RAP1A: variants seen among roughly 807,000 people sequenced by gnomAD.
RAP1A encodes RAP1A, member of RAS oncogene family, also known as ras-related protein Rap-1A.
A neutral mutation model predicts 26.4 loss-of-function variants in RAP1A; 6 were observed. That is an observed-to-expected ratio of 0.23 (90% confidence interval 0.12 to 0.45). RAP1A has a LOEUF of 0.45. Ranked by LOEUF, RAP1A falls within the 20% of genes least tolerant of loss-of-function variation. RAP1A has a pLI of 0.99. For synonymous variants in RAP1A, 73 were observed against 79.4 expected (o/e 0.92, Z 0.43); for missense variants, 121 against 217.2 (o/e 0.56, Z 2.78).
intron 1 of RAP1A, among the ~76,000 whole-genome samples, chr1:111,596,776 G>A (rs1658571341): frequency 6.6e-6 from 1 of 152,224 alleles, no homozygotes. Flanking sequence ...AAACTCACCA[G>A]AGTCCTTTTT....
At chr1:111,593,803 G>C (rs1482818482) in intron 1 of RAP1A, among the ~76,000 whole-genome samples, 1 of 151,920 alleles carries the variant, frequency 6.6e-6, no homozygotes, top group African/African-American at 2.4e-5. Context: ...AAAAAAACCA[G>C]AAAGAAAATC....
At chr1:111,558,528 C>T (rs914755703) in intron 1 of RAP1A, among the ~76,000 whole-genome samples, 1 of 152,040 alleles carries the variant, frequency 6.6e-6, no homozygotes, top group African/African-American at 2.4e-5. Context: ...TCCACATTTG[C>T]TATTTATAAG....
chr1:111,643,209 T>TTA (rs1239462358), intron 1 of RAP1A, among the ~76,000 whole-genome samples: 91 of 152,328 alleles, frequency 6.0e-4, no homozygotes, highest in Admixed American at 5.7e-3. Flanking sequence ...TGTGTCTCCT[T>TTA]TATTTATGAA....
At chr1:111,655,181 G>C (rs1660408543) in intron 1 of RAP1A, among the ~76,000 whole-genome samples, 1 of 150,550 alleles carries the variant, frequency 6.6e-6, no homozygotes, top group African/African-American at 2.5e-5. Flanking sequence ...CCAAACTCAT[G>C]AGCTATGAGG....
chr1:111,656,877 T>A (rs1159333943), intron 1 of RAP1A, among the ~76,000 whole-genome samples: 6 of 152,160 alleles, frequency 3.9e-5, no homozygotes, highest in Non-Finnish European at 7.4e-5. Flanking sequence ...TAATTATTTT[T>A]AAGTATACAA....
At chr1:111,573,824 T>C (rs979181739) in intron 1 of RAP1A, among the ~76,000 whole-genome samples, 3 of 152,196 alleles carry the variant, frequency 2.0e-5, no homozygotes, top group Non-Finnish European at 2.9e-5. Flanking sequence ...TCTTGTAAAT[T>C]TGTTTAAGTC....
intron 4 of RAP1A, among the ~76,000 whole-genome samples, chr1:111,700,102 G>A (rs1661970854): frequency 1.3e-5 from 2 of 152,116 alleles, no homozygotes; most frequent in Admixed American, 6.5e-5. Flanking sequence ...GAGGACCTCA[G>A]GGTTCAATAC....
intron 5 of RAP1A, 37 bp downstream of exon 5, chr1:111,703,513 C>T (rs1197979890): frequency 6.8e-7 from 1 of 1,477,360 alleles, no homozygotes; most frequent in South Asian, 1.4e-5. Context: ...GTTATGCCAT[C>T]TCTCTGTGGC....
chr1:111,594,766 T>C (rs1472325642), intron 1 of RAP1A, among the ~76,000 whole-genome samples: 1 of 152,208 alleles, frequency 6.6e-6, no homozygotes, highest in Non-Finnish European at 1.5e-5. Flanking sequence ...TCTTTGGAAA[T>C]GATTCATGAA....
chr1:111,657,700 GA>G (rs1660506479), intron 1 of RAP1A, among the ~76,000 whole-genome samples: 1 of 152,040 alleles, frequency 6.6e-6, no homozygotes, highest in Admixed American at 6.6e-5. Flanking sequence ...ACCATTTATT[GA>G]AAAGACCATC....
chr1:111,649,688 G>A (rs1349512267), intron 1 of RAP1A: 1 of 153,824 alleles, frequency 6.5e-6, no homozygotes, highest in Non-Finnish European at 1.4e-5. Context: ...CTTGATTTTT[G>A]AGGTTTGGTT....
At chr1:111,570,728 G>A (rs956197925) in intron 1 of RAP1A, among the ~76,000 whole-genome samples, 1 of 152,170 alleles carries the variant, frequency 6.6e-6, no homozygotes, top group Non-Finnish European at 1.5e-5. Flanking sequence ...AAACATGTAT[G>A]AAGAGAGAAT....
chr1:111,654,216 G>C (rs1660379830), intron 1 of RAP1A, among the ~76,000 whole-genome samples: 1 of 152,114 alleles, frequency 6.6e-6, no homozygotes. Context: ...ATGCTTTGTG[G>C]AATTTGCCAT....
In RAP1A at chr1:111,715,818, A is replaced by G. The variant is rs534496322; in HGVS notation, c.*3417A>G. 6.6e-6 allele frequency: 1 copy of G among 152,394 alleles called. No homozygotes were observed. The highest frequency in any genetic ancestry group is 1.5e-5 in the Non-Finnish European group (1 of 68,038). 9.4% of individuals were successfully genotyped at this position (152,394 alleles called of 1,614,324 possible). A position where few individuals can be genotyped will look rare whatever the true frequency, so the allele number is the denominator to read the frequency against. Reference sequence around the variant, plus strand: ...TTTTCTCCATAGAAGAATAGTAATAAGACATTCTACATTTCCTGGACATGG... The same window carrying G: ...TTTTCTCCATAGAAGAATAGTAATAGGACATTCTACATTTCCTGGACATGG... On this transcript the variant is annotated 3_prime_UTR_variant, in exon 8 of 8. Transcript: ENST00000369709.
intron 1 of RAP1A, among the ~76,000 whole-genome samples, chr1:111,687,859 T>C (rs556663539): frequency 6.6e-6 from 1 of 151,508 alleles, no homozygotes; most frequent in South Asian, 2.1e-4. Context: ...ACAAAAAAAA[T>C]TAGAAACATT....
chr1:111,594,574 A>AAGGAAGGAAGGAAGGAAGGG (rs1658529506), intron 1 of RAP1A, among the ~76,000 whole-genome samples: 1 of 144,270 alleles, frequency 6.9e-6, no homozygotes, highest in African/African-American at 2.7e-5. Context: ...GGAGGGAAGG[A>AAGGAAGGAAGGAAGGAAGGG]AGGAAGGAAG....
intron 1 of RAP1A, among the ~76,000 whole-genome samples, chr1:111,571,565 C>G (rs1249702277): frequency 6.6e-6 from 1 of 152,226 alleles, no homozygotes; most frequent in Non-Finnish European, 1.5e-5. Flanking sequence ...GTTTTAGGAA[C>G]TTCTTGACTT....
upstream of RAP1A, among the ~76,000 whole-genome samples, chr1:111,617,040 A>ATGCGCATGTGTGTGTGTT (rs1323599926): frequency 7.2e-5 from 11 of 152,052 alleles, no homozygotes; most frequent in African/African-American, 2.4e-4. Context: ...ATGTGTGTGT[A>ATGCGCATGTGTGTGTGTT]TGCGCATGTG....
At chr1:111,553,218 T>C (rs1407624173) in intron 1 of RAP1A, among the ~76,000 whole-genome samples, 1 of 152,216 alleles carries the variant, frequency 6.6e-6, no homozygotes, top group African/African-American at 2.4e-5. Context: ...AATAAAAATG[T>C]CTTTCTCCAA....
Sources: gnomAD v4.1 joint callset for allele counts (sites outside exome capture counted in the v4.1 genomes callset) on GRCh38, gnomAD v4.1.1 for gene constraint, MANE v1.5 for transcripts, NCBI Gene and HGNC (gene_info 2026-07-23, HGNC 2026-07-21) for gene names.